Variants in KPNA4 observed in about 807,000 individuals in gnomAD.
KPNA4 encodes the protein karyopherin subunit alpha 4.
A neutral mutation model predicts 71.3 loss-of-function variants in KPNA4; 13 were observed. The ratio of observed to expected loss-of-function variants is 0.18; its 90% CI spans 0.12 to 0.29. KPNA4 has a LOEUF of 0.29. KPNA4 is among the 10% of genes least tolerant of loss of function. The pLI, the probability that KPNA4 is intolerant of heterozygous loss-of-function variation, is 1.00. For missense variants in KPNA4, 334 were observed against 603.2 expected (o/e 0.55, Z 4.67); for synonymous variants, 189 against 195.2 (o/e 0.97, Z 0.26).
chr3:160,522,972 G>C (rs1004476259), intron 10 of KPNA4, among the ~76,000 whole-genome samples: 1 of 151,596 alleles, frequency 6.6e-6, no homozygotes, highest in Admixed American at 6.6e-5. Context: ...AACAGGCCAT[G>C]TGTTTGATCT....
At chr3:160,518,639 C>G (rs1043278186) in intron 11 of KPNA4, among the ~76,000 whole-genome samples, 8 of 151,652 alleles carry the variant, frequency 5.3e-5, no homozygotes, top group Middle Eastern at 3.4e-3. Context: ...GCGGGTGGAT[C>G]ACCTGAGGTC....
intron 1 of KPNA4, among the ~76,000 whole-genome samples, chr3:160,560,993 A>G (rs1722232484): frequency 6.6e-6 from 1 of 151,790 alleles, no homozygotes; most frequent in South Asian, 2.1e-4. Flanking sequence ...TTAACAAATC[A>G]CTGAGGCTCT....
intron 13 of KPNA4, among the ~76,000 whole-genome samples, chr3:160,511,599 CA>C (rs1443895625): frequency 6.6e-6 from 1 of 151,808 alleles, no homozygotes; most frequent in African/African-American, 2.4e-5. Flanking sequence ...ATGGGACTGA[CA>C]TTTTTTTAAG....
chr3:160,552,777 G>C (rs1722067358), intron 1 of KPNA4, among the ~76,000 whole-genome samples: 1 of 152,050 alleles, frequency 6.6e-6, no homozygotes, highest in Non-Finnish European at 1.5e-5. Context: ...TGTGTGAAGG[G>C]GTGAAGAGGA....
intron 11 of KPNA4, among the ~76,000 whole-genome samples, chr3:160,518,129 G>GTTTTTTTTT (rs747779915): frequency 1.4e-5 from 2 of 139,100 alleles, no homozygotes; most frequent in Admixed American, 1.4e-4. Flanking sequence ...TCTATTCTGA[G>GTTTTTTTTT]TTTTTTTTTT....
chr3:160,552,227 T>G (rs1722054651), intron 1 of KPNA4, among the ~76,000 whole-genome samples: 1 of 152,208 alleles, frequency 6.6e-6, no homozygotes. Flanking sequence ...TTCCAAAAAG[T>G]GTTTTTACAA....
rs1317065006 is a variant in KPNA4, at chr3:160,508,211, T to C, written c.1268A>G (p.Lys423Arg). The C allele has an allele frequency of 4.3e-6, 7 of 1,612,146 alleles. No individual in the cohort carries two copies. The highest frequency in any genetic ancestry group is 5.1e-6 in the Non-Finnish European group (6 of 1,179,226). The change falls in exon 15 of 17, where the codon AAA becomes AGA. Residue 423 changes from lysine (K) to arginine (R), a missense_variant. Lys to Arg is a conservative substitution (Grantham distance 26). Transcript: ENST00000334256. ...TACTACTTGCACAACTTGTGCATCT[T>C]TTACAGTCAGCAAGTTGCAAAAAGG... ...IPPFCNLLTV[K>R]DAQVVQVVLD...
chr3:160,524,866 C>T (rs1721430373), intron 10 of KPNA4, among the ~76,000 whole-genome samples: 1 of 152,018 alleles, frequency 6.6e-6, no homozygotes, highest in Non-Finnish European at 1.5e-5. Flanking sequence ...TAATTTGTTC[C>T]ATACAAATTA....
intron 11 of KPNA4, among the ~76,000 whole-genome samples, chr3:160,520,861 T>TACTATTTACCTCA (rs1191544718): frequency 6.6e-6 from 1 of 152,206 alleles, no homozygotes; most frequent in Non-Finnish European, 1.5e-5. Context: ...GATTAAAATA[T>TACTATTTACCTCA]ACTATTTACC....
At chr3:160,520,766 G>C (rs1266234078) in intron 11 of KPNA4, among the ~76,000 whole-genome samples, 1 of 152,114 alleles carries the variant, frequency 6.6e-6, no homozygotes, top group African/African-American at 2.4e-5. Context: ...AGTTTATTTT[G>C]ATGTTCAGGC....
rs1183757700 is a variant in KPNA4 at position 160,561,812 on chromosome 3, T to A, written c.69+3402A>T. 2.0e-5 allele frequency among the ~76,000 whole-genome samples: 3 copies of A among 152,066 alleles called. No homozygotes were observed. In the South Asian group the frequency reaches 6.2e-4, roughly 32 times the overall value. On this transcript the variant is annotated intron_variant, in intron 1 of 16. Transcript: ENST00000334256. ...CACTGAAAATAAGGGAGTAAGAGAATCAATTATACTGAATCTTGTTAAATC... is the reference window on the plus strand; with the variant it reads ...CACTGAAAATAAGGGAGTAAGAGAAACAATTATACTGAATCTTGTTAAATC...
Position 160,525,755 on chromosome 3 carries a change from T to C in KPNA4, c.771+45A>G, listed in dbSNP as rs368817794. On this transcript the variant is annotated intron_variant, in intron 10 of 16. Transcript: ENST00000334256. ...TATGTCACAGGGGAAGCCCTAGAAA[T>C]ACATACATACATACATAAATATATA... The C allele has an allele frequency of 2.2e-5, 26 of 1,181,640 alleles. No individual in the cohort carries two copies. In the East Asian group the frequency reaches 3.0e-4, roughly 14 times the overall value. 73.2% of individuals were successfully genotyped at this position (1,181,640 alleles called of 1,614,324 possible).
Position 160,520,815 on chromosome 3 carries a change from C to T in KPNA4, c.903+964G>A, listed in dbSNP as rs551425821. ...CTACAGACTAACGGTTTCTCTTATG[C>T]GATTATTGTACTTTACAGATTCTAA... On this transcript the variant is annotated intron_variant, in intron 11 of 16. Coordinates refer to ENST00000334256, the MANE Select transcript of KPNA4 (RefSeq NM_002268.5). Among the ~76,000 whole-genome samples the T allele has an allele frequency of 4.6e-5, 7 of 152,144 alleles. No individual in the cohort carries two copies. The South Asian group carries it at 1.2e-3, about 27-fold the overall frequency.
At chr3:160,521,943 T>C (rs763638032) in intron 10 of KPNA4, 33 bp from the exon 11 acceptor site, 13 of 1,567,698 alleles carry the variant, frequency 8.3e-6, no homozygotes, top group Non-Finnish European at 1.1e-5. Context: ...AAACAACTTT[T>C]AAATATTTTC....
In KPNA4 at chr3:160,509,785, A is replaced by C; in HGVS notation, c.1209+15T>G. 6.5e-7 allele frequency: 1 copy of C among 1,528,750 alleles called. No homozygotes were observed. Among genetic ancestry groups the C allele is most frequent in the Non-Finnish European group, 9.1e-7 (1 of 1,103,162 alleles). The allele number at this position is 1,528,750 out of a possible 1,614,324, so 94.7% of individuals were successfully genotyped here. On this transcript the variant is annotated intron_variant, in intron 14 of 16. Coordinates refer to ENST00000334256, the MANE Select transcript of KPNA4 (RefSeq NM_002268.5). ...TACCAGTTTTGAGAAATAAATTTTA[A>C]AAAGCTCAACTTACTTGATCTTTCC... is the stretch of plus-strand genomic sequence containing the variant.
At chr3:160,513,343 C>T (rs761492241) in intron 13 of KPNA4, among the ~76,000 whole-genome samples, 3 of 144,848 alleles carry the variant, frequency 2.1e-5, no homozygotes, top group Non-Finnish European at 4.5e-5. Context: ...ACAGCCTCAA[C>T]CTCCCGGATT....
intron 11 of KPNA4, among the ~76,000 whole-genome samples, chr3:160,519,436 G>T (rs1271883071): frequency 6.6e-6 from 1 of 152,178 alleles, no homozygotes; most frequent in Non-Finnish European, 1.5e-5. Flanking sequence ...ATAAAATCCA[G>T]ATACTGACTG....
intron 1 of KPNA4, among the ~76,000 whole-genome samples, chr3:160,547,740 T>G (rs1446628230): frequency 1.3e-5 from 2 of 152,212 alleles, no homozygotes; most frequent in African/African-American, 4.8e-5. Flanking sequence ...CCTCAACCCC[T>G]GGCAACTACT....
chr3:160,540,164 T>A (rs1355494595), intron 1 of KPNA4, among the ~76,000 whole-genome samples: 1 of 151,836 alleles, frequency 6.6e-6, no homozygotes, highest in East Asian at 1.9e-4. Flanking sequence ...CACGCCCGGC[T>A]AAGTTTTTGT....
Sources: allele counts gnomAD v4.1 joint callset (sites outside exome capture counted in the v4.1 genomes callset), GRCh38; gene constraint gnomAD v4.1.1; transcripts MANE v1.5; gene names NCBI Gene and HGNC (gene_info 2026-07-23, HGNC 2026-07-21).